ERC2: variants seen among roughly 807,000 people sequenced by gnomAD.
The protein encoded by ERC2 is ERC protein 2.
ERC2 carries 42 observed loss-of-function variants against 114.8 expected under a neutral mutation model. The ratio of observed to expected loss-of-function variants is 0.37; its 90% CI spans 0.29 to 0.47. ERC2 has a LOEUF of 0.47. ERC2 is among the 20% of genes least tolerant of loss of function. The probability of loss-of-function intolerance (pLI) is 0.99; values close to 1 mark genes in which losing one functional copy is unlikely to be tolerated. For missense variants in ERC2, 939 were observed against 1,150.7 expected (o/e 0.82, Z 2.66); for synonymous variants, 454 against 425.5 (o/e 1.07, Z -0.82).
At chr3:56,268,160 G>A (rs12633004) in intron 3 of ERC2, among the ~76,000 whole-genome samples, 46,419 of 151,998 alleles carry the variant, frequency 0.31, 8,976 homozygotes, top group Middle Eastern at 0.44. Flanking sequence ...TTTACTGGAC[G>A]TTTTCTATGT....
intron 2 of ERC2, among the ~76,000 whole-genome samples, chr3:56,369,833 C>A (rs1018314002): frequency 6.6e-6 from 1 of 152,146 alleles, no homozygotes; most frequent in Admixed American, 6.5e-5. Context: ...CACGCCATCA[C>A]GCCCGGCTAA....
chr3:56,428,443 C>T (rs1044162668), intron 2 of ERC2, among the ~76,000 whole-genome samples: 2 of 151,398 alleles, frequency 1.3e-5, no homozygotes, highest in Non-Finnish European at 2.9e-5. Flanking sequence ...ATTCCCTGAA[C>T]CCAGGAGGTA....
At chr3:56,304,534 G>A (rs554715140) in intron 2 of ERC2, among the ~76,000 whole-genome samples, 1 of 74,514 alleles carries the variant, frequency 1.3e-5, no homozygotes, top group South Asian at 6.4e-4. Flanking sequence ...TGTGAGACTT[G>A]ATCATCTTGA....
At chr3:56,235,361 G>A (rs1169332646) in intron 3 of ERC2, among the ~76,000 whole-genome samples, 1 of 152,196 alleles carries the variant, frequency 6.6e-6, no homozygotes, top group Admixed American at 6.5e-5. Flanking sequence ...TACTTGCCAT[G>A]TAGAACTCAG....
chr3:55,997,907 T>G (rs1218266647), intron 10 of ERC2, among the ~76,000 whole-genome samples: 1 of 26,000 alleles, frequency 3.8e-5, no homozygotes, highest in African/African-American at 1.3e-4. Context: ...TTTTTTTTTT[T>G]GTGTGTGTGT....
At chr3:56,259,219 A>G (rs6770399) in intron 3 of ERC2, among the ~76,000 whole-genome samples, 68,410 of 151,726 alleles carry the variant, frequency 0.45, 15,666 homozygotes, top group Middle Eastern at 0.49. Context: ...TGATCCACCC[A>G]CCGCAGCCTC....
At chr3:55,928,803 G>A (rs561109151) in intron 13 of ERC2, among the ~76,000 whole-genome samples, 24 of 152,136 alleles carry the variant, frequency 1.6e-4, no homozygotes, top group Non-Finnish European at 3.1e-4. Flanking sequence ...GAGACTGGGG[G>A]CTAGTTTCAT....
At chr3:56,108,969 A>G (rs767345595) in intron 6 of ERC2, among the ~76,000 whole-genome samples, 1 of 152,194 alleles carries the variant, frequency 6.6e-6, no homozygotes, top group Admixed American at 6.5e-5. Context: ...AATTAAACAG[A>G]AAGAAATTAA....
chr3:55,597,711 T>A (rs1337704569), intron 17 of ERC2, among the ~76,000 whole-genome samples: 2 of 152,198 alleles, frequency 1.3e-5, no homozygotes, highest in African/African-American at 2.4e-5. Context: ...ATTTGCAACA[T>A]CTAGCTCCTG....
Position 55,771,603 on chromosome 3 carries a change from G to C in ERC2, c.2565-36685C>G, listed in dbSNP as rs557859801. 2.0e-5 allele frequency among the ~76,000 whole-genome samples: 3 copies of C among 152,302 alleles called. No individual in the cohort carries two copies. The South Asian group carries it at 6.2e-4, about 32-fold the overall frequency. On this transcript the variant is annotated intron_variant, in intron 14 of 17. Coordinates refer to ENST00000288221, the MANE Select transcript of ERC2 (RefSeq NM_015576.3). ...AGATGAAAATAAGCAGAAATGCTGA[G>C]GCATAAACCCCACTAGGCTGGCTGA...
chr3:56,344,874 G>GA (rs1418430611), intron 2 of ERC2, among the ~76,000 whole-genome samples: 1 of 152,052 alleles, frequency 6.6e-6, no homozygotes, highest in African/African-American at 2.4e-5. Flanking sequence ...TCTGCTACAG[G>GA]AAAAAACGGG....
chr3:56,163,062 G>T (rs1045097306), intron 4 of ERC2, among the ~76,000 whole-genome samples: 1 of 152,028 alleles, frequency 6.6e-6, no homozygotes, highest in Non-Finnish European at 1.5e-5. Context: ...TTGGTATCTT[G>T]TGTCTCTGTT....
At chr3:55,880,237 A>T (rs1236270456) in intron 14 of ERC2, among the ~76,000 whole-genome samples, 2 of 152,218 alleles carry the variant, frequency 1.3e-5, no homozygotes, top group African/African-American at 4.8e-5. Context: ...GTGAGTCCCT[A>T]GTGATTACAA....
At chr3:56,231,478 G>A (rs2050613776) in intron 3 of ERC2, among the ~76,000 whole-genome samples, 1 of 152,198 alleles carries the variant, frequency 6.6e-6, no homozygotes, top group African/African-American at 2.4e-5. Flanking sequence ...ACCTGCCATT[G>A]TGGCATTCCC....
chr3:56,206,622 A>G (rs2150111159), intron 3 of ERC2, among the ~76,000 whole-genome samples: 1 of 152,340 alleles, frequency 6.6e-6, no homozygotes, highest in East Asian at 1.9e-4. Context: ...TGAGGGTACT[A>G]TATGTGATTT....
At chr3:56,419,261 C>T (rs966833595) in intron 2 of ERC2, among the ~76,000 whole-genome samples, 7 of 152,138 alleles carry the variant, frequency 4.6e-5, no homozygotes, top group Admixed American at 4.6e-4. Context: ...TACAGCATAA[C>T]TGCATTTGTA....
At chr3:55,541,672 C>T (rs1344785131) in intron 17 of ERC2, among the ~76,000 whole-genome samples, 6 of 152,150 alleles carry the variant, frequency 3.9e-5, no homozygotes, top group Non-Finnish European at 7.4e-5. Flanking sequence ...TAAAAATTGG[C>T]CATTCCTAAG....
At position 56,152,786 on chromosome 3, in the gene ERC2, T is replaced by C. The variant is rs114445316; in HGVS notation, c.1150-3654A>G. 1.8e-3 allele frequency among the ~76,000 whole-genome samples: 277 copies of C among 152,288 alleles called. 4 individuals carry two copies. The highest frequency in any genetic ancestry group is 6.4e-3 in the African/African-American group (266 of 41,562). ...CTACACATTCATAAAATAATACTTA[T>C]AAAAATTTGATGCATAAATTGCAGA... On this transcript the variant is annotated intron_variant, in intron 4 of 17. Coordinates refer to ENST00000288221, the MANE Select transcript of ERC2 (RefSeq NM_015576.3).
intron 17 of ERC2, among the ~76,000 whole-genome samples, chr3:55,601,436 A>G (rs1415629007): frequency 6.6e-6 from 1 of 152,164 alleles, no homozygotes; most frequent in Admixed American, 6.5e-5. Flanking sequence ...ATCTTCATTA[A>G]TTTGTTAATT....
Sources: allele counts gnomAD v4.1 joint callset (sites outside exome capture counted in the v4.1 genomes callset), GRCh38; gene constraint gnomAD v4.1.1; transcripts MANE v1.5; gene names NCBI Gene and HGNC (gene_info 2026-07-23, HGNC 2026-07-21).